Variants in USH2A observed in about 807,000 individuals in gnomAD.
USH2A encodes the protein Usher syndrome 2A (autosomal recessive, mild).
Under a neutral mutation model 538.9 loss-of-function variants are expected in USH2A, and 443 were observed. The observed-to-expected ratio is 0.82, with a 90% CI of 0.76 to 0.89. The LOEUF is 0.89. USH2A is among the 40% of genes least tolerant of loss of function. The pLI is 0.00. For synonymous variants in USH2A, 2,413 were observed against 2,273.5 expected (o/e 1.06, Z -1.75); for missense variants, 6,633 against 6,324.8 (o/e 1.05, Z -1.65).
chr1:216,398,561 C>CAA lies in USH2A; in HGVS notation c.651+19952_651+19953insTT, dbSNP rs1381832123. Among the ~76,000 whole-genome samples the CAA allele has an allele frequency of 8.6e-5, 13 of 151,390 alleles. No homozygotes were observed. The East Asian group carries it at 1.9e-3, about 23-fold the overall frequency. ...ACACACACAAGCACACCCATACACA[C>CAA]ACACACACTCTCTCCCCACACACAC... On this transcript the variant is annotated intron_variant, in intron 3 of 71. Coordinates refer to ENST00000307340, the MANE Select transcript of USH2A (RefSeq NM_206933.4).
chr1:216,047,746 G>A (rs1030752543), intron 31 of USH2A, among the ~76,000 whole-genome samples: 5 of 152,096 alleles, frequency 3.3e-5, no homozygotes, highest in East Asian at 1.9e-4. Context: ...AAGATCAAGC[G>A]TTTAAATCTC....
intron 16 of USH2A, 61 bp from the exon 17 acceptor site, chr1:216,200,182 G>A (rs773682297): frequency 7.8e-5 from 118 of 1,517,062 alleles, no homozygotes; most frequent in Middle Eastern, 5.4e-4. Flanking sequence ...AAGAATCATT[G>A]CTAACTGCTT....
intron 16 of USH2A, among the ~76,000 whole-genome samples, chr1:216,204,696 A>C (rs1361269707): frequency 1.3e-5 from 2 of 152,188 alleles, no homozygotes; most frequent in Non-Finnish European, 2.9e-5. Flanking sequence ...CATCCAGCTG[A>C]ATATAAGTAG....
chr1:215,753,457 T>C (rs1451038830), intron 58 of USH2A, among the ~76,000 whole-genome samples: 1 of 152,168 alleles, frequency 6.6e-6, no homozygotes, highest in Non-Finnish European at 1.5e-5. Flanking sequence ...GTGGCACATA[T>C]ACACCATGGA....
intron 58 of USH2A, among the ~76,000 whole-genome samples, chr1:215,744,443 T>C (rs530596298): frequency 6.6e-6 from 1 of 152,342 alleles, no homozygotes; most frequent in South Asian, 2.1e-4. Context: ...GAGTTTTGAA[T>C]GAAGAATATA....
chr1:215,974,913 AC>A (rs1366511487), intron 35 of USH2A, among the ~76,000 whole-genome samples: 1 of 152,052 alleles, frequency 6.6e-6, no homozygotes, highest in Non-Finnish European at 1.5e-5. Context: ...AAAACCTTCA[AC>A]TGCTTTCCAC....
intron 49 of USH2A, among the ~76,000 whole-genome samples, 180 bp from the exon 50 acceptor site, chr1:215,799,305 G>T (rs111985971): frequency 2.6e-5 from 4 of 152,254 alleles, no homozygotes; most frequent in African/African-American, 9.6e-5. Context: ...GTGTATAAAC[G>T]TGTGTCAGAT....
In USH2A at chr1:215,960,368, T is replaced by C. The variant is rs868277458; in HGVS notation, c.7120+4949A>G. 4.6e-5 allele frequency among the ~76,000 whole-genome samples: 7 copies of C among 152,252 alleles called. 1 individual carries two copies. Among genetic ancestry groups the C allele is most frequent in the Middle Eastern group, 6.8e-3 (2 of 294 alleles). On this transcript the variant is annotated intron_variant, in intron 37 of 71. Coordinates refer to ENST00000307340, the MANE Select transcript of USH2A (RefSeq NM_206933.4). ...CATTTGTTTTATTTTTTAAAAATTA[T>C]ATATTCAATATGTTTCACAAGGAAT...
rs1290080552 is a variant in USH2A at position 216,105,018 on chromosome 1, TCAA to T, written c.4628-7808_4628-7806del. On this transcript the variant is annotated intron_variant, in intron 21 of 71. Coordinates refer to ENST00000307340, the MANE Select transcript of USH2A (RefSeq NM_206933.4). ...GGCGAAGGATATGAACACATACTTC[TCAA>T]AAGAAGACATTTATGCAGCCAACAG... 3.9e-5 allele frequency among the ~76,000 whole-genome samples: 6 copies of T among 152,290 alleles called. No homozygotes were observed. In the East Asian group the frequency reaches 1.2e-3, roughly 29 times the overall value.
intron 11 of USH2A, 66 bp from the exon 12 acceptor site, chr1:216,251,164 G>A (rs914988608): frequency 6.5e-7 from 1 of 1,528,012 alleles, no homozygotes; most frequent in African/African-American, 1.4e-5. Context: ...TGCTCATTAG[G>A]TACAAGACAG....
chr1:216,295,960 T>C (rs1283455364), intron 9 of USH2A, among the ~76,000 whole-genome samples: 1 of 152,026 alleles, frequency 6.6e-6, no homozygotes, highest in African/African-American at 2.4e-5. Flanking sequence ...AAAAGCATTT[T>C]TTTTTGGCCA....
intron 21 of USH2A, among the ~76,000 whole-genome samples, chr1:216,159,537 T>TACACACACACACACAC (rs60343349): frequency 1.0e-3 from 147 of 146,922 alleles, no homozygotes; most frequent in African/African-American, 3.7e-3. Flanking sequence ...TTTATTTATG[T>TACACACACACACACAC]ACACACACAC....
chr1:216,313,104 G>A (rs2102639845), intron 9 of USH2A, among the ~76,000 whole-genome samples: 1 of 152,270 alleles, frequency 6.6e-6, no homozygotes, highest in Non-Finnish European at 1.5e-5. Flanking sequence ...CCACCTCAAA[G>A]CATCAGGAAT....
At chr1:215,942,153 C>A (rs1054919339) in intron 37 of USH2A, among the ~76,000 whole-genome samples, 3 of 152,042 alleles carry the variant, frequency 2.0e-5, no homozygotes, top group African/African-American at 7.2e-5. Flanking sequence ...TGTAGGCTGT[C>A]GAGACTGAGG....
At chr1:215,672,229 G>A (rs938649030) in intron 63 of USH2A, among the ~76,000 whole-genome samples, 7 of 151,870 alleles carry the variant, frequency 4.6e-5, no homozygotes, top group Non-Finnish European at 7.4e-5. Context: ...CAATTTTCCC[G>A]CAGGCACCCA....
intron 20 of USH2A, among the ~76,000 whole-genome samples, chr1:216,180,719 A>C (rs539738244): frequency 6.6e-6 from 1 of 152,260 alleles, no homozygotes; most frequent in South Asian, 2.1e-4. Flanking sequence ...TTAAGAATAA[A>C]CAATTTTTCT....
chr1:216,302,196 G>A (rs1391399842), intron 9 of USH2A, among the ~76,000 whole-genome samples: 1 of 152,204 alleles, frequency 6.6e-6, no homozygotes, highest in Non-Finnish European at 1.5e-5. Context: ...ACAGAAAATG[G>A]CTCTGTGCTT....
intron 11 of USH2A, among the ~76,000 whole-genome samples, chr1:216,265,614 A>T (rs896977542): frequency 3.6e-5 from 5 of 140,428 alleles, no homozygotes; most frequent in African/African-American, 1.4e-4. Flanking sequence ...TCATTAGCAA[A>T]GGAATAGATA....
At chr1:215,918,011 T>C (rs986223211) in intron 38 of USH2A, among the ~76,000 whole-genome samples, 5 of 151,742 alleles carry the variant, frequency 3.3e-5, no homozygotes, top group African/African-American at 1.2e-4. Flanking sequence ...TAAACCATTA[T>C]ATTTTAGAGT....
Sources: gnomAD v4.1 joint callset for allele counts (sites outside exome capture counted in the v4.1 genomes callset) on GRCh38, gnomAD v4.1.1 for gene constraint, MANE v1.5 for transcripts, NCBI Gene and HGNC (gene_info 2026-07-23, HGNC 2026-07-21) for gene names.